Variants in C19orf47 observed in about 807,000 individuals in gnomAD.
The protein encoded by C19orf47 is chromosome 19 open reading frame 47.
In C19orf47, 18 loss-of-function variants were observed where a neutral mutation model predicts 32.3. The ratio of observed to expected loss-of-function variants is 0.56; its 90% CI spans 0.39 to 0.83. The LOEUF is 0.83. Among genes scored for constraint, C19orf47 ranks in the 40% least tolerant of loss-of-function variants. The pLI is 0.00. For synonymous variants in C19orf47, 202 were observed against 211.1 expected, an observed-to-expected ratio of 0.96 and a Z score of 0.37; for missense variants, 484 against 531.6, an observed-to-expected ratio of 0.91 and a Z score of 0.88.
chr19:40,299,890 G>A, the C19orf47 span, among the ~76,000 whole-genome samples: 12 of 152,140 alleles, frequency 7.9e-5, no homozygotes, highest in African/African-American at 1.2e-4. Flanking sequence ...TTAGTCAGGC[G>A]TGGTGACGGG....
At chr19:40,310,775 A>G in the C19orf47 span, among the ~76,000 whole-genome samples, 1 of 152,200 alleles carries the variant, frequency 6.6e-6, no homozygotes, top group Admixed American at 6.6e-5. Flanking sequence ...ATATACAGAT[A>G]TTTCTGGGGG....
chr19:40,308,420 G>A, the C19orf47 span, among the ~76,000 whole-genome samples: 12 of 151,598 alleles, frequency 7.9e-5, no homozygotes, highest in Non-Finnish European at 1.3e-4. Flanking sequence ...CTCCCAAAGC[G>A]CTGGGATTAC....
chr19:40,293,721 C>T, the C19orf47 span, among the ~76,000 whole-genome samples: 1 of 151,950 alleles, frequency 6.6e-6, no homozygotes, highest in African/African-American at 2.4e-5. Flanking sequence ...GCCTCGGCCT[C>T]CCAAAGTGCT....
Position 40,321,289 on chromosome 19 carries a change from A to AG in C19orf47, c.*592dup, listed in dbSNP as rs1314874545. ...AACAGGCTCGACGCCACCGCCGACGAGGGGGCCGCTGGGAGGCCGGAGGTA... is the reference window on the plus strand; with the variant it reads ...AACAGGCTCGACGCCACCGCCGACGAGGGGGGCCGCTGGGAGGCCGGAGGTA... On this transcript the variant is annotated 3_prime_UTR_variant, in exon 9 of 9. Coordinates refer to ENST00000683109, the MANE Select transcript of C19orf47 (RefSeq NM_001256441.2). The AG allele has an allele frequency of 1.0e-6, 1 of 986,396 alleles. No individual in the cohort carries two copies. Among genetic ancestry groups the AG allele is most frequent in the African/African-American group, 1.7e-5 (1 of 57,226 alleles). The allele number at this position is 986,396 out of a possible 1,614,324, so 61.1% of individuals were successfully genotyped here.
chr19:40,300,464 C>CA, the C19orf47 span, among the ~76,000 whole-genome samples: 95 of 138,562 alleles, frequency 6.9e-4, no homozygotes, highest in South Asian at 2.2e-3. Flanking sequence ...GACACCATCT[C>CA]AAAAAAAAAA....
rs200770856 is a variant in C19orf47 at position 40,321,865 on chromosome 19, C to A, written c.*17G>T. On this transcript the variant is annotated 3_prime_UTR_variant, in exon 9 of 9. Transcript: ENST00000683109. ...ATGCCCGCAGGCTCTGCTGCCTGCA[C>A]CCCGCCCACAGGTGGGCTAGAAGGT... is the stretch of plus-strand genomic sequence containing the variant. 3.9e-3 allele frequency: 6,037 copies of A among 1,545,792 alleles called. 11 individuals are homozygous for A. Among genetic ancestry groups the A allele is most frequent in the Non-Finnish European group, 4.6e-3 (5,290 of 1,147,864 alleles).
downstream of C19orf47, among the ~76,000 whole-genome samples, chr19:40,316,467 C>T (rs902761112): frequency 6.6e-6 from 1 of 152,198 alleles, no homozygotes; most frequent in Non-Finnish European, 1.5e-5. Flanking sequence ...TAGGAAGACC[C>T]TGCCTTTTAT....
Position 40,320,057 on chromosome 19 carries a change from T to A in C19orf47, c.*1825A>T, listed in dbSNP as rs79901982. 7.6e-3 allele frequency: 1,172 copies of A among 154,190 alleles called. 14 individuals are homozygous for A. Among genetic ancestry groups the A allele is most frequent in the African/African-American group, 0.027 (1,125 of 41,522 alleles). 9.6% of individuals were successfully genotyped at this position (154,190 alleles called of 1,614,324 possible). A position where few individuals can be genotyped will look rare whatever the true frequency, so the allele number is the denominator to read the frequency against. On this transcript the variant is annotated 3_prime_UTR_variant, in exon 9 of 9. Transcript: ENST00000683109. ...ATCTAGGCGGGCCCTATGATTCTCA[T>A]CTTCTCTAGCCCCAACTTCCAACCC...
chr19:40,337,381 T>C (rs1015100271), intron 2 of C19orf47, among the ~76,000 whole-genome samples: 1 of 151,516 alleles, frequency 6.6e-6, no homozygotes, highest in Non-Finnish European at 1.5e-5. Context: ...AGACCCCACC[T>C]ATGAAACTTT....
At chr19:40,312,491 G>T in the C19orf47 span, among the ~76,000 whole-genome samples, 2 of 151,942 alleles carry the variant, frequency 1.3e-5, no homozygotes, top group Non-Finnish European at 2.9e-5. Flanking sequence ...CTTGCAGTGA[G>T]CTGAGATCGC....
At chr19:40,323,792 A>G (rs145224763) in intron 8 of C19orf47, among the ~76,000 whole-genome samples, 403 of 152,292 alleles carry the variant, frequency 2.6e-3, no homozygotes, top group Non-Finnish European at 4.4e-3. Context: ...GGAGGCATCC[A>G]GGAGTACTGG....
the C19orf47 span, among the ~76,000 whole-genome samples, chr19:40,311,134 T>C: frequency 2.6e-5 from 4 of 152,074 alleles, no homozygotes; most frequent in East Asian, 7.7e-4. Context: ...CCCAGCACTT[T>C]GGGAGGCCGA....
chr19:40,318,247 T>A (rs2077676366), downstream of C19orf47, among the ~76,000 whole-genome samples: 1 of 152,060 alleles, frequency 6.6e-6, no homozygotes, highest in Non-Finnish European at 1.5e-5. Flanking sequence ...TAAAAATTTT[T>A]AAAAGGCACC....
chr19:40,313,752 G>A, the C19orf47 span, among the ~76,000 whole-genome samples: 2 of 152,136 alleles, frequency 1.3e-5, no homozygotes, highest in East Asian at 1.9e-4. Context: ...CAAGAGGCAG[G>A]AGGATCATCT....
chr19:40,308,203 T>G, the C19orf47 span, among the ~76,000 whole-genome samples: 1 of 152,078 alleles, frequency 6.6e-6, no homozygotes, highest in Non-Finnish European at 1.5e-5. Flanking sequence ...GTCGCCAGGC[T>G]GGAGTGCAGT....
chr19:40,325,804 G>A (rs2077817223), intron 7 of C19orf47, among the ~76,000 whole-genome samples: 2 of 152,166 alleles, frequency 1.3e-5, no homozygotes, highest in Admixed American at 6.5e-5. Context: ...TTACAGGCAT[G>A]GGCCACCGCG....
chr19:40,307,799 T>C, the C19orf47 span, among the ~76,000 whole-genome samples: 1 of 151,966 alleles, frequency 6.6e-6, no homozygotes, highest in Admixed American at 6.6e-5. Flanking sequence ...TTTTTTGGTT[T>C]TGTGGCTTTT....
chr19:40,308,359 G>A, the C19orf47 span, among the ~76,000 whole-genome samples: 2 of 151,566 alleles, frequency 1.3e-5, no homozygotes, highest in African/African-American at 4.9e-5. Context: ...GTTTCACCAT[G>A]TTAGCCAGGA....
downstream of C19orf47, among the ~76,000 whole-genome samples, chr19:40,319,188 G>A (rs900350418): frequency 1.3e-5 from 2 of 151,620 alleles, no homozygotes; most frequent in Admixed American, 1.3e-4. Context: ...GAGAATAGCT[G>A]GAACCCTGGA....
Sources: allele counts gnomAD v4.1 joint callset (sites outside exome capture counted in the v4.1 genomes callset), GRCh38; gene constraint gnomAD v4.1.1; transcripts MANE v1.5; gene names NCBI Gene and HGNC (gene_info 2026-07-23, HGNC 2026-07-21).